SNTG1: variants seen among roughly 807,000 people sequenced by gnomAD.
SNTG1 encodes the protein syntrophin gamma 1.
A neutral mutation model predicts 74.7 loss-of-function variants in SNTG1; 39 were observed. The observed-to-expected ratio is 0.52, with a 90% CI of 0.40 to 0.68. SNTG1 has a LOEUF of 0.68. Ranked by LOEUF, SNTG1 falls within the 30% of genes least tolerant of loss-of-function variation. The pLI, the probability that SNTG1 is intolerant of heterozygous loss-of-function variation, is 0.00. For missense variants in SNTG1, 685 were observed against 609.5 expected (o/e 1.12, Z -1.30); for synonymous variants, 254 against 217.1 (o/e 1.17, Z -1.49).
intron 1 of SNTG1, among the ~76,000 whole-genome samples, chr8:49,982,386 A>G (rs1423693083): frequency 3.9e-5 from 6 of 152,118 alleles, no homozygotes; most frequent in African/African-American, 1.4e-4. Context: ...CTTGGTAGAC[A>G]CAGTTCTAAA....
chr8:50,167,347 T>G (rs2082657262), intron 1 of SNTG1, among the ~76,000 whole-genome samples: 1 of 147,226 alleles, frequency 6.8e-6, no homozygotes, highest in African/African-American at 2.5e-5. Context: ...AAAAAAAATC[T>G]TTGAAATTAG....
At chr8:50,105,748 T>C (rs980791129) in intron 1 of SNTG1, among the ~76,000 whole-genome samples, 1 of 152,046 alleles carries the variant, frequency 6.6e-6, no homozygotes, top group Non-Finnish European at 1.5e-5. Context: ...AATTTCGCTT[T>C]CCTGGTTAGC....
chr8:50,600,415 T>C (rs2094764031), intron 13 of SNTG1, among the ~76,000 whole-genome samples: 1 of 152,102 alleles, frequency 6.6e-6, no homozygotes, highest in African/African-American at 2.4e-5. Flanking sequence ...GTGAAGCCAT[T>C]GGGTCCTCAG....
At chr8:50,773,927 A>G (rs147789352) in intron 18 of SNTG1, among the ~76,000 whole-genome samples, 33 of 152,248 alleles carry the variant, frequency 2.2e-4, no homozygotes, top group African/African-American at 7.7e-4. Flanking sequence ...AGAATCAAAT[A>G]AAATTTTCAG....
intron 12 of SNTG1, among the ~76,000 whole-genome samples, chr8:50,590,557 A>T (rs2094684792): frequency 6.6e-6 from 1 of 152,120 alleles, no homozygotes; most frequent in Admixed American, 6.5e-5. Flanking sequence ...AAAATAAACC[A>T]CAGAAAGTTA....
intron 12 of SNTG1, among the ~76,000 whole-genome samples, chr8:50,580,879 G>A (rs1459393535): frequency 6.6e-6 from 1 of 152,130 alleles, no homozygotes; most frequent in African/African-American, 2.4e-5. Flanking sequence ...ACACTGTGCT[G>A]TGGCAGGACA....
At chr8:50,785,382 C>T (rs746846344) in intron 18 of SNTG1, among the ~76,000 whole-genome samples, 10 of 151,438 alleles carry the variant, frequency 6.6e-5, no homozygotes, top group Admixed American at 2.0e-4. Flanking sequence ...AAAAGAAAAA[C>T]GTAACTATAA....
chr8:50,366,249 T>C (rs2131108770), intron 2 of SNTG1, among the ~76,000 whole-genome samples: 1 of 152,318 alleles, frequency 6.6e-6, no homozygotes, highest in East Asian at 1.9e-4. Context: ...GCTCAATGCT[T>C]GCAGATGACT....
chr8:50,671,160 A>G (rs1245089298), intron 15 of SNTG1, among the ~76,000 whole-genome samples: 1 of 152,046 alleles, frequency 6.6e-6, no homozygotes, highest in African/African-American at 2.4e-5. Context: ...AAAAAACCAA[A>G]AGCAATGGCA....
intron 1 of SNTG1, among the ~76,000 whole-genome samples, chr8:49,941,069 T>G (rs1044317469): frequency 2.0e-5 from 3 of 152,188 alleles, no homozygotes; most frequent in African/African-American, 7.2e-5. Flanking sequence ...GGGATGCATC[T>G]GAGTGGGGCA....
rs2095699096 is a variant in SNTG1, at chr8:50,794,156, C to A, written c.*1327C>A. 1 of 151,236 alleles carries A rather than the reference C, an allele frequency of 6.6e-6. No homozygotes were observed. Among genetic ancestry groups the A allele is most frequent in the Non-Finnish European group, 1.5e-5 (1 of 67,768 alleles). 9.4% of individuals were successfully genotyped at this position (151,236 alleles called of 1,614,324 possible). A position where few individuals can be genotyped will look rare whatever the true frequency, so the allele number is the denominator to read the frequency against. On this transcript the variant is annotated 3_prime_UTR_variant, in exon 19 of 19. Coordinates refer to ENST00000642720, the MANE Select transcript of SNTG1 (RefSeq NM_018967.5). ...AAAATTTTTATTGATACACATGCTC[C>A]CAGGTAAACCAAGTATTATGTGTGT...
chr8:50,714,891 A>G (rs1327551463), intron 17 of SNTG1, among the ~76,000 whole-genome samples: 1 of 151,980 alleles, frequency 6.6e-6, no homozygotes, highest in East Asian at 1.9e-4. Flanking sequence ...TCCCTCAATG[A>G]CTCATTATAG....
intron 15 of SNTG1, among the ~76,000 whole-genome samples, chr8:50,678,641 A>G (rs1334027703): frequency 2.6e-5 from 4 of 152,048 alleles, no homozygotes; most frequent in Admixed American, 2.6e-4. Context: ...TTTTGTCCAT[A>G]CATGATTGAA....
chr8:50,089,688 A>G (rs1206602369), intron 1 of SNTG1, among the ~76,000 whole-genome samples: 1 of 152,242 alleles, frequency 6.6e-6, no homozygotes, highest in Admixed American at 6.5e-5. Context: ...AGAGAAATAC[A>G]AATCAAAACC....
At chr8:50,698,947 G>T (rs1378574830) in intron 15 of SNTG1, among the ~76,000 whole-genome samples, 1 of 152,142 alleles carries the variant, frequency 6.6e-6, no homozygotes, top group Non-Finnish European at 1.5e-5. Context: ...CACACAGGCT[G>T]ACTGTTCTTC....
intron 8 of SNTG1, among the ~76,000 whole-genome samples, chr8:50,500,417 G>A (rs1383942141): frequency 1.3e-5 from 2 of 151,380 alleles, no homozygotes; most frequent in African/African-American, 4.9e-5. Flanking sequence ...AACTTTTTTG[G>A]CTGAAATTTT....
intron 18 of SNTG1, among the ~76,000 whole-genome samples, chr8:50,769,965 T>C (rs566706220): frequency 6.6e-6 from 1 of 152,238 alleles, no homozygotes; most frequent in East Asian, 1.9e-4. Flanking sequence ...AACTCAGTAA[T>C]GAGGATCAGG....
chr8:50,116,032 G>A (rs1271978518), intron 1 of SNTG1, among the ~76,000 whole-genome samples: 1 of 152,098 alleles, frequency 6.6e-6, no homozygotes, highest in East Asian at 1.9e-4. Flanking sequence ...AGCGTAACTT[G>A]AGTGTTTGTT....
chr8:49,922,289 G>A (rs1041281616), intron 1 of SNTG1, among the ~76,000 whole-genome samples: 17 of 152,044 alleles, frequency 1.1e-4, no homozygotes, highest in African/African-American at 3.6e-4. Flanking sequence ...TTTTTTCTTG[G>A]TACTAGAGGA....
Sources: allele counts gnomAD v4.1 joint callset (sites outside exome capture counted in the v4.1 genomes callset), GRCh38; gene constraint gnomAD v4.1.1; transcripts MANE v1.5; gene names NCBI Gene and HGNC (gene_info 2026-07-23, HGNC 2026-07-21).